BLOC1S3: variants seen among roughly 807,000 people sequenced by gnomAD.
The protein encoded by BLOC1S3 is biogenesis of lysosomal organelles complex 1 subunit 3, also known as biogenesis of lysosome-related organelles complex 1 subunit 3.
BLOC1S3 carries 7 observed loss-of-function variants against 9.1 expected under a neutral mutation model. That is an observed-to-expected ratio of 0.77 (90% CI 0.44 to 1.45). The LOEUF is 1.45. Among genes scored for constraint, BLOC1S3 ranks in the 40% most tolerant of loss-of-function variants. The probability of loss-of-function intolerance (pLI) is 0.01; values close to 1 mark genes in which losing one functional copy is unlikely to be tolerated. For missense variants in BLOC1S3, 307 were observed against 315.2 expected (o/e 0.97, Z 0.20); for synonymous variants, 145 against 158.4 (o/e 0.92, Z 0.64).
At chr19:45,202,420 G>T in exon 3 of BLOC1S3, 1 of 155,646 alleles carries the variant, frequency 6.4e-6, no homozygotes, top group South Asian at 1.8e-4. Flanking sequence ...CTCTCTCTGT[G>T]GCCACCACTG....
At chr19:45,213,453 C>G (rs1435665923) in intron 3 of BLOC1S3, 1 of 1,484,790 alleles carries the variant, frequency 6.7e-7, no homozygotes, top group African/African-American at 1.4e-5. Flanking sequence ...TCACCTATCC[C>G]AGAAATTGCC....
At chr19:45,206,462 T>TTTTTTTTTG (rs1969727964) in intron 3 of BLOC1S3, among the ~76,000 whole-genome samples, 1 of 115,446 alleles carries the variant, frequency 8.7e-6, no homozygotes, top group East Asian at 2.5e-4. Context: ...TTTTTTTTTT[T>TTTTTTTTTG]TTTTTTTTTT....
At chr19:45,205,655 A>G (rs1969720771) in intron 3 of BLOC1S3, among the ~76,000 whole-genome samples, 1 of 152,204 alleles carries the variant, frequency 6.6e-6, no homozygotes, top group Non-Finnish European at 1.5e-5. Flanking sequence ...TTCCATCAAA[A>G]TTAAAAACTT....
At chr19:45,215,708 C>T (rs1255591777) in intron 3 of BLOC1S3, among the ~76,000 whole-genome samples, 6 of 152,146 alleles carry the variant, frequency 3.9e-5, no homozygotes, top group Non-Finnish European at 5.9e-5. Context: ...AGTTGAATGC[C>T]GCCTGCGCCT....
At chr19:45,184,857 G>A (rs1463937942), downstream of BLOC1S3, among the ~76,000 whole-genome samples, 1 of 134,318 alleles carries the variant, frequency 7.4e-6, no homozygotes, top group Admixed American at 8.4e-5. Flanking sequence ...CCAAGATAGC[G>A]CCACTGCAGT....
At chr19:45,208,759 G>GA (rs200533129) in intron 3 of BLOC1S3, among the ~76,000 whole-genome samples, 4,170 of 95,762 alleles carry the variant, frequency 0.044, 198 homozygotes, top group African/African-American at 0.14. Context: ...ATCTCAGAAA[G>GA]AAAAAAAAAA....
chr19:45,185,261 C>T (rs116063063), downstream of BLOC1S3, among the ~76,000 whole-genome samples: 773 of 152,264 alleles, frequency 5.1e-3, 4 homozygotes, highest in African/African-American at 0.016. Flanking sequence ...CCCATGAGGA[C>T]GGGGCTGAGG....
At chr19:45,214,704 A>T (rs1969815017) in intron 3 of BLOC1S3, among the ~76,000 whole-genome samples, 4 of 151,748 alleles carry the variant, frequency 2.6e-5, no homozygotes, top group Admixed American at 2.6e-4. Context: ...ACCTCAGGTG[A>T]TCCACCTACC....
intron 2 of BLOC1S3, among the ~76,000 whole-genome samples, chr19:45,199,766 T>C (rs1051630136): frequency 3.9e-5 from 6 of 151,908 alleles, no homozygotes; most frequent in Non-Finnish European, 8.8e-5. Context: ...CTCTCCTCTC[T>C]TCTCTTCTCT....
At chr19:45,203,178 C>T (rs1304588550) in intron 3 of BLOC1S3, among the ~76,000 whole-genome samples, 1 of 152,106 alleles carries the variant, frequency 6.6e-6, no homozygotes, top group East Asian at 1.9e-4. Flanking sequence ...GGCCTCATGC[C>T]CTCCAGGTCC....
downstream of BLOC1S3, among the ~76,000 whole-genome samples, chr19:45,185,865 C>A (rs1002865155): frequency 6.6e-6 from 1 of 151,964 alleles, no homozygotes; most frequent in Non-Finnish European, 1.5e-5. Context: ...TAATCCCAGG[C>A]CTTTGGAGGC....
At chr19:45,213,270 C>T (rs1329446805) in intron 3 of BLOC1S3, 3 of 1,613,646 alleles carry the variant, frequency 1.9e-6, no homozygotes, top group African/African-American at 2.7e-5. Flanking sequence ...CAGAGAGTTC[C>T]AGGTCCCGGG....
At position 45,181,029 on chromosome 19, in the gene BLOC1S3, TG is replaced by T; in HGVS notation, c.*1127del. On this transcript the variant is annotated 3_prime_UTR_variant, in exon 2 of 2. Transcript: ENST00000433642. The stretch of plus-strand genomic sequence containing the variant: ...GCGTGGGCCACTGCGCCTAGCCAGC[TG>T]GGTCCTTGTTCTGCTGCCCAAGCTT... 6.0e-6 allele frequency: 1 copy of T among 167,434 alleles called. No individual in the cohort carries two copies. The highest frequency in any genetic ancestry group is 1.5e-5 in the Non-Finnish European group (1 of 68,256). 10.4% of individuals were successfully genotyped at this position (167,434 alleles called of 1,614,324 possible).
intron 3 of BLOC1S3, among the ~76,000 whole-genome samples, chr19:45,209,301 G>A (rs762106165): frequency 7.9e-5 from 12 of 152,030 alleles, no homozygotes; most frequent in Non-Finnish European, 1.3e-4. Flanking sequence ...CGCCCACCTT[G>A]GCCTCCCACA....
chr19:45,203,564 G>A (rs933265561), intron 3 of BLOC1S3, among the ~76,000 whole-genome samples: 8 of 152,068 alleles, frequency 5.3e-5, no homozygotes, highest in African/African-American at 1.4e-4. Flanking sequence ...GAGCCACCGC[G>A]CCCAGCCTCA....
chr19:45,209,571 G>A (rs535024070), intron 3 of BLOC1S3, among the ~76,000 whole-genome samples: 59 of 152,068 alleles, frequency 3.9e-4, no homozygotes, highest in African/African-American at 1.3e-3. Flanking sequence ...ACAGGCGCCT[G>A]CCACTACGCC....
chr19:45,206,369 A>G (rs2122933930), intron 3 of BLOC1S3, among the ~76,000 whole-genome samples: 1 of 148,832 alleles, frequency 6.7e-6, no homozygotes, highest in East Asian at 1.9e-4. Context: ...AAAAAAAAAA[A>G]AAAAAATCTA....
At chr19:45,197,373 G>C (rs909807115) in intron 2 of BLOC1S3, among the ~76,000 whole-genome samples, 1 of 150,702 alleles carries the variant, frequency 6.6e-6, no homozygotes, top group African/African-American at 2.4e-5. Context: ...TGTAATTCCA[G>C]CTACCCAGGA....
chr19:45,193,537 G>C lies in BLOC1S3; in HGVS notation n.180+5797G>C, dbSNP rs1465503044. Among the ~76,000 whole-genome samples the C allele has an allele frequency of 2.6e-5, 4 of 151,972 alleles. No individual in the cohort carries two copies. In the East Asian group the frequency reaches 7.8e-4, roughly 30 times the overall value. On this transcript the variant is annotated intron_variant and non_coding_transcript_variant, in intron 2 of 3. Coordinates refer to the BLOC1S3 transcript ENST00000591569. ...TCCTCAGAGATGGTCTCTGTCAAAAGAACTTTTTTTTACTATAAATAAGCC... is the reference window on the plus strand; with the variant it reads ...TCCTCAGAGATGGTCTCTGTCAAAACAACTTTTTTTTACTATAAATAAGCC...
Sources: allele counts gnomAD v4.1 joint callset (sites outside exome capture counted in the v4.1 genomes callset), GRCh38; gene constraint gnomAD v4.1.1; transcripts MANE v1.5; gene names NCBI Gene and HGNC (gene_info 2026-07-23, HGNC 2026-07-21).